Variants in MAPK4 observed in about 807,000 individuals in gnomAD.
MAPK4 encodes the protein mitogen-activated protein kinase 4, also known as Erk3-related.
Under a neutral mutation model 47.7 loss-of-function variants are expected in MAPK4, and 22 were observed. The observed-to-expected ratio is 0.46, with a 90% CI of 0.33 to 0.66. The LOEUF (loss-of-function observed/expected upper bound fraction) is 0.66. Among genes scored for constraint, MAPK4 ranks in the 30% least tolerant of loss-of-function variants. MAPK4 has a pLI of 0.02. For missense variants in MAPK4, 736 were observed against 831.7 expected (o/e 0.88, Z 1.42); for synonymous variants, 390 against 365.7 (o/e 1.07, Z -0.76).
At chr18:50,569,971 C>G (rs938521150) in intron 1 of MAPK4, among the ~76,000 whole-genome samples, 6 of 152,208 alleles carry the variant, frequency 3.9e-5, no homozygotes, top group African/African-American at 1.4e-4. Context: ...AAATTCCTCC[C>G]TATCTTGTTA....
intron 1 of MAPK4, among the ~76,000 whole-genome samples, chr18:50,643,523 T>G (rs1212979775): frequency 6.6e-6 from 1 of 152,214 alleles, no homozygotes; most frequent in African/African-American, 2.4e-5. Flanking sequence ...ACTCCATCTC[T>G]AAATAAAATA....
chr18:50,595,449 C>G (rs1205804127), intron 1 of MAPK4, among the ~76,000 whole-genome samples: 1 of 152,196 alleles, frequency 6.6e-6, no homozygotes, highest in African/African-American at 2.4e-5. Context: ...AACATACCTT[C>G]CAAATGATTC....
chr18:50,651,881 T>C (rs1216608109), intron 1 of MAPK4, among the ~76,000 whole-genome samples: 2 of 152,224 alleles, frequency 1.3e-5, no homozygotes, highest in African/African-American at 4.8e-5. Flanking sequence ...GTTTCACCTC[T>C]TCCCGTGTGA....
At chr18:50,564,910 TA>T (rs1318345078) in intron 1 of MAPK4, among the ~76,000 whole-genome samples, 1 of 152,200 alleles carries the variant, frequency 6.6e-6, no homozygotes, top group Non-Finnish European at 1.5e-5. Flanking sequence ...GGACCCTCTT[TA>T]AGGAAACGAC....
chr18:50,682,263 T>G (rs1203651407), intron 2 of MAPK4, among the ~76,000 whole-genome samples: 4 of 152,222 alleles, frequency 2.6e-5, no homozygotes, highest in African/African-American at 9.7e-5. Flanking sequence ...AGAGATAATT[T>G]GAATACCTTA....
intron 2 of MAPK4, among the ~76,000 whole-genome samples, chr18:50,713,736 C>G (rs996296676): frequency 1.3e-5 from 2 of 152,180 alleles, no homozygotes; most frequent in Non-Finnish European, 2.9e-5. Flanking sequence ...GGGGATATCC[C>G]TCATGGAATG....
chr18:50,703,031 C>T (rs1028437277), intron 2 of MAPK4, among the ~76,000 whole-genome samples: 2 of 152,196 alleles, frequency 1.3e-5, no homozygotes, highest in African/African-American at 2.4e-5. Context: ...ATGTGGTTCC[C>T]TGTGAATAGT....
intron 1 of MAPK4, among the ~76,000 whole-genome samples, chr18:50,662,196 T>C (rs572256632): frequency 2.0e-5 from 3 of 152,378 alleles, no homozygotes; most frequent in Admixed American, 2.0e-4. Context: ...TACAGTCTTC[T>C]TTCTTTGTGT....
In MAPK4 at chr18:50,663,853, G is replaced by A. The variant is rs992713532; in HGVS notation, c.-106G>A. 9 of 971,084 alleles carry A rather than the reference G, an allele frequency of 9.3e-6. No individual in the cohort carries two copies. Among genetic ancestry groups the A allele is most frequent in the East Asian group, 2.4e-5 (1 of 40,938 alleles). 60.2% of individuals were successfully genotyped at this position (971,084 alleles called of 1,614,324 possible). On this transcript the variant is annotated 5_prime_UTR_variant, in exon 2 of 6. It adds an upstream start codon to the 5' untranslated region. Coordinates refer to ENST00000400384, the MANE Select transcript of MAPK4 (RefSeq NM_002747.4). ...CTAGGAGAAAACACATCCCTCAGCCGTGGGACTTGACAGAATGAGGTGCGC... is the reference window on the plus strand; with the variant it reads ...CTAGGAGAAAACACATCCCTCAGCCATGGGACTTGACAGAATGAGGTGCGC...
intron 3 of MAPK4, among the ~76,000 whole-genome samples, chr18:50,720,151 T>G (rs1308906620): frequency 6.6e-6 from 1 of 152,178 alleles, no homozygotes; most frequent in Non-Finnish European, 1.5e-5. Flanking sequence ...GTAGACTCAG[T>G]GTTAAGATGC....
intron 1 of MAPK4, among the ~76,000 whole-genome samples, chr18:50,574,211 C>T (rs562832687): frequency 6.6e-6 from 1 of 152,156 alleles, no homozygotes; most frequent in Non-Finnish European, 1.5e-5. Context: ...TAGGCTGTCT[C>T]TCTTTTTGTA....
chr18:50,692,283 G>A (rs546160696), intron 2 of MAPK4, among the ~76,000 whole-genome samples: 28 of 152,232 alleles, frequency 1.8e-4, no homozygotes, highest in African/African-American at 5.8e-4. Context: ...GCCTCTCTCC[G>A]CGCTCTGGAG....
chr18:50,604,874 C>T (rs1047101575), intron 1 of MAPK4, among the ~76,000 whole-genome samples: 5 of 152,226 alleles, frequency 3.3e-5, no homozygotes, highest in African/African-American at 1.2e-4. Flanking sequence ...TCTGACTTGT[C>T]TTGTGCAGAG....
chr18:50,662,918 G>A (rs3813087), intron 1 of MAPK4, among the ~76,000 whole-genome samples, 171 bp from the exon 2 acceptor site: 2 of 152,052 alleles, frequency 1.3e-5, no homozygotes, highest in Non-Finnish European at 2.9e-5. Context: ...GGAGTGCTAC[G>A]CACAGCAGGA....
At chr18:50,568,570 G>A (rs2042222176) in intron 1 of MAPK4, among the ~76,000 whole-genome samples, 2 of 152,146 alleles carry the variant, frequency 1.3e-5, no homozygotes, top group South Asian at 4.1e-4. Flanking sequence ...TGCTAACATG[G>A]CCTGCCTCAG....
At chr18:50,602,152 A>T (rs2149372954) in intron 1 of MAPK4, among the ~76,000 whole-genome samples, 1 of 152,350 alleles carries the variant, frequency 6.6e-6, no homozygotes, top group South Asian at 2.1e-4. Context: ...TAGACAATGT[A>T]ATTTGAGAAA....
chr18:50,704,128 C>T (rs191406576), intron 2 of MAPK4, among the ~76,000 whole-genome samples: 55 of 152,262 alleles, frequency 3.6e-4, no homozygotes, highest in Admixed American at 1.4e-3. Flanking sequence ...TTCCCTCCCA[C>T]GCCATCTGTA....
intron 3 of MAPK4, among the ~76,000 whole-genome samples, chr18:50,721,353 A>G (rs1056721037): frequency 4.6e-5 from 7 of 152,204 alleles, no homozygotes; most frequent in Non-Finnish European, 8.8e-5. Flanking sequence ...GTTTGAGTCC[A>G]TCCTGTCCCA....
chr18:50,615,205 G>C (rs186914586), intron 1 of MAPK4, among the ~76,000 whole-genome samples: 118 of 152,258 alleles, frequency 7.7e-4, no homozygotes, highest in African/African-American at 2.6e-3. Context: ...TTGTGTTGGG[G>C]GGGGAGATCC....
Sources: allele counts gnomAD v4.1 joint callset (sites outside exome capture counted in the v4.1 genomes callset), GRCh38; gene constraint gnomAD v4.1.1; transcripts MANE v1.5; gene names NCBI Gene and HGNC (gene_info 2026-07-23, HGNC 2026-07-21).